The following ANKRD36B variants were observed in gnomAD, a reference collection of about 807,000 sequenced individuals.
ANKRD36B encodes ankyrin repeat domain 36B, also known as ankyrin repeat domain-containing protein 36B.
Under a neutral mutation model 135.7 loss-of-function variants are expected in ANKRD36B, and 37 were observed. The ratio of observed to expected loss-of-function variants is 0.27; its 90% CI spans 0.21 to 0.36. The LOEUF (loss-of-function observed/expected upper bound fraction) is 0.36, where lower values mean the gene tolerates loss of function less well. Ranked by LOEUF, ANKRD36B falls within the 10% of genes least tolerant of loss-of-function variation. The pLI is 1.00. For missense variants in ANKRD36B, 549 were observed against 1,037.1 expected (o/e 0.53, Z 6.46); for synonymous variants, 179 against 348.1 (o/e 0.51, Z 5.41).
In ANKRD36B at chr2:97,557,099, A is replaced by G; in HGVS notation, c.996+5T>C. On this transcript the variant is annotated splice_donor_5th_base_variant and intron_variant, in intron 11 of 43. Coordinates refer to ENST00000359901, the MANE Select transcript of ANKRD36B (RefSeq NM_001393939.1). The stretch of plus-strand genomic sequence containing the variant: ...AATTCAAAATATAAATGAAAGAGTA[A>G]CTACCTTCTGGGCCGATTGTTTCTG... 1 of 1,545,286 alleles carries G rather than the reference A, an allele frequency of 6.5e-7. No individual in the cohort carries two copies.
chr2:97,570,680 G>A (rs1456516495), intron 6 of ANKRD36B, among the ~76,000 whole-genome samples: 2 of 152,268 alleles, frequency 1.3e-5, no homozygotes, highest in African/African-American at 2.4e-5. Context: ...CTCCACAGGA[G>A]AGGGCTCCCG....
chr2:97,557,160 A>T, intron 10 of ANKRD36B, 28 bp from the exon 11 acceptor site: 3 of 1,509,712 alleles, frequency 2.0e-6, no homozygotes, highest in Non-Finnish European at 2.7e-6. Flanking sequence ...TATATAATTC[A>T]TCATATGTAA....
chr2:97,550,195 A>C (rs2079910302), intron 18 of ANKRD36B, among the ~76,000 whole-genome samples: 1 of 142,802 alleles, frequency 7.0e-6, no homozygotes, highest in Non-Finnish European at 1.6e-5. Context: ...TATCTCTCAC[A>C]CCCATATGGT....
intron 37 of ANKRD36B, among the ~76,000 whole-genome samples, chr2:97,515,095 C>A (rs368621933): frequency 1.6e-5 from 1 of 62,214 alleles, no homozygotes; most frequent in South Asian, 3.2e-4. Flanking sequence ...GTAGAGATAG[C>A]ATTTCACTGT....
At chr2:97,586,530 T>A (rs1433441987) in intron 1 of ANKRD36B, among the ~76,000 whole-genome samples, 1 of 152,072 alleles carries the variant, frequency 6.6e-6, no homozygotes, top group African/African-American at 2.4e-5. Flanking sequence ...TCCTGAGAGA[T>A]GGTGGAATGT....
chr2:97,536,354 C>T lies in ANKRD36B; in HGVS notation c.2137G>A (p.Asp713Asn), dbSNP rs2922567. ...RTLKATIENK[D>N]SVLNTATKMK... ...TTGGTGGCTGTATTCAGAACAGAAT[C>T]TTTATTTTCAATTGTAGCCTGAATG... is the stretch of plus-strand genomic sequence containing the variant. Residue 713 changes from aspartate to asparagine, a missense_variant, in exon 34 of 44, where the codon GAT becomes AAT. By Grantham distance (23) the Asp-to-Asn change is conservative. Transcript: ENST00000359901. 3.3e-5 allele frequency: 31 copies of T among 941,772 alleles called. 11 individuals are homozygous for T. The highest frequency in any genetic ancestry group is 2.2e-4 in the African/African-American group (13 of 59,678). 58.3% of individuals were successfully genotyped at this position (941,772 alleles called of 1,614,324 possible). A position where few individuals can be genotyped will look rare whatever the true frequency, so the allele number is the denominator to read the frequency against.
intron 6 of ANKRD36B, among the ~76,000 whole-genome samples, chr2:97,567,640 C>T (rs987179358): frequency 6.6e-5 from 10 of 152,078 alleles, no homozygotes; most frequent in Non-Finnish European, 1.2e-4. Flanking sequence ...CAACCATGGT[C>T]CATAAATAAA....
intron 34 of ANKRD36B, among the ~76,000 whole-genome samples, chr2:97,534,849 A>G (rs1423343143): frequency 3.1e-5 from 3 of 97,110 alleles, no homozygotes; most frequent in African/African-American, 9.3e-5. Flanking sequence ...AAGCAAGAAA[A>G]TCAGTATTAT....
chr2:97,584,943 C>T lies in ANKRD36B; in HGVS notation c.450+1G>A. 1 of 1,595,446 alleles carries T rather than the reference C, an allele frequency of 6.3e-7. No homozygotes were observed. The highest frequency in any genetic ancestry group is 8.5e-7 in the Non-Finnish European group (1 of 1,171,912). ...TGAAAATAACATTGGTTGACCTATACCTTGCTGCATTCTTCAATATTTGTA... is the reference window on the plus strand; with the variant it reads ...TGAAAATAACATTGGTTGACCTATATCTTGCTGCATTCTTCAATATTTGTA... On this transcript the variant is annotated splice_donor_variant, in intron 3 of 43. Coordinates refer to ENST00000359901, the MANE Select transcript of ANKRD36B (RefSeq NM_001393939.1). LOFTEE classifies it high-confidence loss of function.
chr2:97,560,321 A>G (rs1321496250), intron 8 of ANKRD36B, among the ~76,000 whole-genome samples: 1 of 151,892 alleles, frequency 6.6e-6, no homozygotes, highest in African/African-American at 2.4e-5. Context: ...TATGATGCCT[A>G]TAATATCTAT....
intron 5 of ANKRD36B, among the ~76,000 whole-genome samples, chr2:97,577,743 C>T (rs1187636002): frequency 2.7e-5 from 4 of 145,580 alleles, no homozygotes; most frequent in Admixed American, 1.4e-4. Flanking sequence ...AAATAGAATC[C>T]GAAAATATTT....
chr2:97,583,154 C>A (rs1414699797), intron 3 of ANKRD36B, among the ~76,000 whole-genome samples: 2 of 133,882 alleles, frequency 1.5e-5, no homozygotes, highest in African/African-American at 2.8e-5. Flanking sequence ...AACTGACATA[C>A]TGAGGCAGTC....
Position 97,523,394 on chromosome 2 carries a change from C to T in ANKRD36B, c.2339G>A (p.Gly780Asp). The T allele has an allele frequency of 5.0e-6, 3 of 604,422 alleles. 1 individual carries two copies. Among genetic ancestry groups the T allele is most frequent in the Non-Finnish European group, 8.0e-6 (3 of 375,090 alleles). 37.4% of individuals were successfully genotyped at this position (604,422 alleles called of 1,614,324 possible). Reference protein sequence around the residue: ...IQSSQTVSEDGDSLCCNCKNV... With the variant: ...IQSSQTVSEDDDSLCCNCKNV... ...CTTACAATTACAGCAAAGCGAGTCA[C>T]CGTCCTCTGAGACTGTTTGAGATGA... Residue 780 changes from glycine to aspartate, a missense_variant, in exon 36 of 44, where the codon GGT (glycine) becomes GAT (aspartate). Gly to Asp is a moderately conservative substitution (Grantham distance 94). Transcript: ENST00000359901.
intron 3 of ANKRD36B, among the ~76,000 whole-genome samples, chr2:97,581,967 C>A (rs1383161859): frequency 6.6e-6 from 1 of 150,544 alleles, no homozygotes. Context: ...TGCCACCACA[C>A]CCAGCTAATT....
At chr2:97,546,402 C>A (rs551123856) in intron 22 of ANKRD36B, among the ~76,000 whole-genome samples, 1 of 151,706 alleles carries the variant, frequency 6.6e-6, no homozygotes, top group African/African-American at 2.4e-5. Flanking sequence ...TGGATATCTG[C>A]TTGCTGATAC....
At chr2:97,570,610 A>G (rs1451366040) in intron 6 of ANKRD36B, among the ~76,000 whole-genome samples, 3 of 152,136 alleles carry the variant, frequency 2.0e-5, no homozygotes, top group Non-Finnish European at 4.4e-5. Flanking sequence ...ATACTGGTAG[A>G]CAATATTGCC....
intron 1 of ANKRD36B, among the ~76,000 whole-genome samples, chr2:97,586,404 TA>T (rs34704943): frequency 5.6e-4 from 82 of 146,978 alleles, no homozygotes; most frequent in Admixed American, 1.6e-3. Context: ...TGCTTTTGTT[TA>T]AAAAAAAAAA....
intron 1 of ANKRD36B, among the ~76,000 whole-genome samples, chr2:97,588,041 ATTT>A (rs946397291): frequency 2.0e-5 from 3 of 150,754 alleles, no homozygotes; most frequent in African/African-American, 7.3e-5. Context: ...TATAAACTGG[ATTT>A]TTTTTATTTT....
rs753761128 is a variant in ANKRD36B at position 97,560,711 on chromosome 2, A to G, written c.819T>C (p.Val273=). Residue 273 remains valine, a synonymous_variant, in exon 8 of 44, where the codon GTT becomes GTC. Transcript: ENST00000359901. ...CCTTTATTTCTGTGGCTATATTTGA[A>G]ACAGAATCTTTGTCGTCACTTGTAG... ...EKATSDDKDS[V]SNIATEIKEG... The G allele has an allele frequency of 7.5e-6, 12 of 1,602,900 alleles. No individual in the cohort carries two copies. The South Asian group carries it at 1.2e-4, about 16-fold the overall frequency.
Sources: gnomAD v4.1 joint callset for allele counts (sites outside exome capture counted in the v4.1 genomes callset) on GRCh38, gnomAD v4.1.1 for gene constraint, MANE v1.5 for transcripts, NCBI Gene and HGNC (gene_info 2026-07-23, HGNC 2026-07-21) for gene names.